NELL1: variants seen among roughly 807,000 people sequenced by gnomAD.
NELL1 encodes the protein protein kinase C-binding protein NELL1.
In NELL1, 76 loss-of-function variants were observed where a neutral mutation model predicts 107.4. That is an observed-to-expected ratio of 0.71 (90% confidence interval 0.59 to 0.86). The LOEUF is 0.86. NELL1 is among the 40% of genes least tolerant of loss of function. The probability of loss-of-function intolerance (pLI) is 0.00; values close to 1 mark genes in which losing one functional copy is unlikely to be tolerated. For missense variants in NELL1, 1,024 were observed against 1,005.5 expected (o/e 1.02, Z -0.25); for synonymous variants, 353 against 341.2 (o/e 1.03, Z -0.38).
At chr11:20,980,950 C>A (rs1018351590) in intron 12 of NELL1, among the ~76,000 whole-genome samples, 2 of 152,238 alleles carry the variant, frequency 1.3e-5, no homozygotes, top group African/African-American at 4.8e-5. Flanking sequence ...CTCCAAAATT[C>A]CTTCCAGCCA....
intron 13 of NELL1, among the ~76,000 whole-genome samples, chr11:21,164,626 T>G (rs1479668381): frequency 6.6e-6 from 1 of 152,208 alleles, no homozygotes; most frequent in Non-Finnish European, 1.5e-5. Context: ...GAAATCATAG[T>G]GTTATAAAAT....
intron 2 of NELL1, among the ~76,000 whole-genome samples, chr11:20,765,701 G>A (rs1856515080): frequency 6.6e-6 from 1 of 152,146 alleles, no homozygotes. Context: ...AGGCCAAGAA[G>A]GAGGGAAGAG....
rs146464433 is a variant in NELL1 at position 21,433,277 on chromosome 11, G to A, written c.1645+62329G>A. 3.0e-3 allele frequency among the ~76,000 whole-genome samples: 459 copies of A among 152,188 alleles called. 2 individuals are homozygous for A. Among genetic ancestry groups the A allele is most frequent in the African/African-American group, 0.01 (434 of 41,532 alleles). On this transcript the variant is annotated intron_variant, in intron 15 of 19. Transcript: ENST00000357134. ...CCACATTTTCTGTATCCATTCATCT[G>A]CTGATGGGCATGTGGGGTTATTACG...
At chr11:21,379,000 G>A (rs1446231995) in intron 15 of NELL1, among the ~76,000 whole-genome samples, 2 of 151,972 alleles carry the variant, frequency 1.3e-5, no homozygotes, top group East Asian at 3.9e-4. Flanking sequence ...GCCAACACTT[G>A]TACATTTTAA....
intron 14 of NELL1, among the ~76,000 whole-genome samples, chr11:21,333,417 G>T (rs905816309): frequency 6.6e-6 from 1 of 152,044 alleles, no homozygotes; most frequent in Non-Finnish European, 1.5e-5. Context: ...TATAGAAATA[G>T]AAATAGAAAG....
intron 14 of NELL1, among the ~76,000 whole-genome samples, chr11:21,289,074 A>T (rs6483756): frequency 0.66 from 100,466 of 152,128 alleles, 33,566 homozygotes; most frequent in African/African-American, 0.74. Context: ...TAGACCAGAT[A>T]TAAGAATGGG....
intron 18 of NELL1, among the ~76,000 whole-genome samples, chr11:21,572,368 C>A (rs182283834): frequency 1.3e-5 from 2 of 151,322 alleles, no homozygotes; most frequent in Admixed American, 1.3e-4. Context: ...ATATTCAAGA[C>A]TTTTCATGTG....
At chr11:21,413,601 A>G (rs978503098) in intron 15 of NELL1, among the ~76,000 whole-genome samples, 1 of 151,990 alleles carries the variant, frequency 6.6e-6, no homozygotes, top group Admixed American at 6.6e-5. Flanking sequence ...AGGAACCTAG[A>G]CCTTCTGACA....
chr11:20,955,822 A>C (rs1162987681), intron 11 of NELL1, among the ~76,000 whole-genome samples: 1 of 152,238 alleles, frequency 6.6e-6, no homozygotes, highest in East Asian at 1.9e-4. Context: ...TTGGTTTAAA[A>C]TTTTATTTCA....
chr11:20,685,676 C>T (rs775650821), intron 2 of NELL1, among the ~76,000 whole-genome samples: 4 of 152,040 alleles, frequency 2.6e-5, no homozygotes, highest in South Asian at 2.1e-4. Flanking sequence ...GGTGAGCTCT[C>T]GTTAAACTTG....
intron 11 of NELL1, among the ~76,000 whole-genome samples, chr11:20,955,576 T>C (rs1343158985): frequency 6.6e-6 from 1 of 152,196 alleles, no homozygotes; most frequent in East Asian, 1.9e-4. Flanking sequence ...GTTGAAAATA[T>C]CATCATCATT....
At chr11:20,886,815 T>C (rs976915167) in intron 5 of NELL1, among the ~76,000 whole-genome samples, 1 of 152,174 alleles carries the variant, frequency 6.6e-6, no homozygotes. Context: ...ACATGTACCC[T>C]AGAACTTAAA....
At chr11:21,436,724 G>T (rs956348506) in intron 15 of NELL1, among the ~76,000 whole-genome samples, 3 of 152,098 alleles carry the variant, frequency 2.0e-5, no homozygotes, top group African/African-American at 7.2e-5. Flanking sequence ...TGCATTGCTA[G>T]GTTATTTGAA....
intron 15 of NELL1, among the ~76,000 whole-genome samples, chr11:21,474,218 C>T (rs1310919775): frequency 6.6e-6 from 1 of 151,984 alleles, no homozygotes; most frequent in Non-Finnish European, 1.5e-5. Flanking sequence ...TTTATTCCTT[C>T]CTCAAAGTTT....
chr11:21,118,121 G>A (rs35556742), intron 13 of NELL1, among the ~76,000 whole-genome samples: 1 of 151,968 alleles, frequency 6.6e-6, no homozygotes, highest in African/African-American at 2.4e-5. Flanking sequence ...TACAATATTA[G>A]GCACATTGTA....
chr11:20,706,441 T>G (rs1199861897), intron 2 of NELL1, among the ~76,000 whole-genome samples: 1 of 150,484 alleles, frequency 6.6e-6, no homozygotes, highest in Admixed American at 6.6e-5. Context: ...CACCGCATGT[T>G]TTTACTCAGA....
chr11:21,444,049 T>C (rs2133849662), intron 15 of NELL1, among the ~76,000 whole-genome samples: 1 of 152,290 alleles, frequency 6.6e-6, no homozygotes. Context: ...TCTCTGTATG[T>C]ATGTATACAA....
intron 16 of NELL1, among the ~76,000 whole-genome samples, chr11:21,538,304 G>A (rs1173356667): frequency 6.6e-6 from 1 of 152,090 alleles, no homozygotes; most frequent in Non-Finnish European, 1.5e-5. Flanking sequence ...ATTATTGTAA[G>A]CTTGAATAAT....
chr11:21,360,566 T>G (rs1471617071), intron 14 of NELL1, among the ~76,000 whole-genome samples: 2 of 152,184 alleles, frequency 1.3e-5, no homozygotes, highest in Non-Finnish European at 2.9e-5. Flanking sequence ...CTTGATAATC[T>G]GTCTAGTGCT....
Sources: gnomAD v4.1 joint callset for allele counts (sites outside exome capture counted in the v4.1 genomes callset) on GRCh38, gnomAD v4.1.1 for gene constraint, MANE v1.5 for transcripts, NCBI Gene and HGNC (gene_info 2026-07-23, HGNC 2026-07-21) for gene names.